Variants in GMEB2 observed in about 807,000 individuals in gnomAD.
The protein encoded by GMEB2 is glucocorticoid modulatory element-binding protein 2.
A neutral mutation model predicts 45.7 loss-of-function variants in GMEB2; 7 were observed. That is an observed-to-expected ratio of 0.15 (90% CI 0.09 to 0.29). GMEB2 has a LOEUF of 0.29. Ranked by LOEUF, GMEB2 falls within the 10% of genes least tolerant of loss-of-function variation. The pLI, the probability that GMEB2 is intolerant of heterozygous loss-of-function variation, is 1.00. For missense variants in GMEB2, 582 were observed against 739.2 expected (o/e 0.79, Z 2.47); for synonymous variants, 322 against 323.6 (o/e 1.00, Z 0.05).
In GMEB2 at chr20:63,590,529, C is replaced by A; in HGVS notation, c.1153G>T (p.Gly385Cys). 6.6e-7 allele frequency: 1 copy of A among 1,521,880 alleles called. No homozygotes were observed. The highest frequency in any genetic ancestry group is 1.3e-5 in the South Asian group (1 of 78,372). The allele number at this position is 1,521,880 out of a possible 1,614,324, so 94.3% of individuals were successfully genotyped here. The change falls in exon 10 of 10, where the codon GGC becomes TGC. Residue 385 changes from glycine to cysteine, a missense_variant. By Grantham distance (159) the Gly-to-Cys change is radical. This residue lies in a region of GMEB2 where 462 missense variants were observed against 586.7 expected (regional missense o/e 0.79). Coordinates refer to ENST00000370077, the MANE Select transcript of GMEB2 (RefSeq NM_012384.5). ...AGCTGGGGGACGGGCACGCCCGGGC[C>A]AAGCGCCAGCTGGGCAGACTGGGTG... Reference protein sequence around the residue: ...VLTQSAQLALGPGVPVPQLTS... With the variant: ...VLTQSAQLALCPGVPVPQLTS...
intron 1 of GMEB2, among the ~76,000 whole-genome samples, chr20:63,626,660 G>A (rs2089676090): frequency 6.6e-6 from 1 of 151,730 alleles, no homozygotes; most frequent in African/African-American, 2.4e-5. Flanking sequence ...CTGCGGCGTG[G>A]TCCCCCCGGG....
intron 2 of GMEB2, among the ~76,000 whole-genome samples, chr20:63,609,173 A>AC (rs1172867972): frequency 6.5e-5 from 1 of 15,426 alleles, no homozygotes. Flanking sequence ...TGTCCCTCTG[A>AC]CTCACCTCCA....
chr20:63,621,045 G>A (rs1449704571), intron 1 of GMEB2, among the ~76,000 whole-genome samples: 16 of 152,108 alleles, frequency 1.1e-4, no homozygotes, highest in Non-Finnish European at 7.4e-5. Context: ...AATTAAAAAC[G>A]ACAACCAAAA....
rs2083113321 is a variant in GMEB2, at chr20:63,588,425, A to G, written c.*1664T>C. 1 of 208,428 alleles carries G rather than the reference A, an allele frequency of 4.8e-6. No homozygotes were observed. The highest frequency in any genetic ancestry group is 9.5e-6 in the Non-Finnish European group (1 of 105,564). The allele number at this position is 208,428 out of a possible 1,614,324, so 12.9% of individuals were successfully genotyped here. ...GACCCCCGTAGGGTCATACCGCTGC[A>G]TGCTGCAGAACTCAACTAGAGTGGA... On this transcript the variant is annotated 3_prime_UTR_variant, in exon 10 of 10. Transcript: ENST00000370077.
At position 63,590,245 on chromosome 20, in the gene GMEB2, C is replaced by T. The variant is rs779894285; in HGVS notation, c.1437G>A (p.Thr479=). ...FKVVSPLQLL[T]LPGLGPTLQN... is the part of the protein sequence containing the mutation. ...GCAGGGTGGGGCCCAGGCCAGGCAA[C>T]GTGAGCAGCTGTAGCGGGCTGACCA... The change falls in exon 10 of 10, where the codon ACG becomes ACA. Residue 479 remains threonine, a synonymous_variant. Transcript: ENST00000370077. 112 of 1,612,130 alleles carry T rather than the reference C, an allele frequency of 6.9e-5. No homozygotes were observed. The highest frequency in any genetic ancestry group is 9.1e-5 in the Non-Finnish European group (107 of 1,179,740).
chr20:63,596,727 A>G (rs1048019238), intron 5 of GMEB2, among the ~76,000 whole-genome samples: 6 of 152,238 alleles, frequency 3.9e-5, no homozygotes, highest in Non-Finnish European at 5.9e-5. Flanking sequence ...TGATTCACAG[A>G]TAAGTGAAGG....
chr20:63,622,903 C>G (rs747637266), intron 1 of GMEB2, among the ~76,000 whole-genome samples: 2 of 152,200 alleles, frequency 1.3e-5, no homozygotes, highest in Non-Finnish European at 2.9e-5. Context: ...GCGTTACTGA[C>G]GCCAGCCTGG....
rs142070399 is a variant in GMEB2 at position 63,595,328 on chromosome 20, C to T, written c.619+282G>A. On this transcript the variant is annotated intron_variant, in intron 6 of 9. Coordinates refer to ENST00000370077, the MANE Select transcript of GMEB2 (RefSeq NM_012384.5). ...GGGCGCCCAGGCACTCTCTGTTACT[C>T]GCTATACCCTTCCCCACACGTGAGT... Among the ~76,000 whole-genome samples the T allele has an allele frequency of 4.1e-3, 629 of 152,268 alleles. 5 individuals carry two copies. Among genetic ancestry groups the T allele is most frequent in the Non-Finnish European group, 6.1e-3 (413 of 68,022 alleles).
chr20:63,595,121 C>T (rs1264035476), intron 6 of GMEB2, among the ~76,000 whole-genome samples: 8 of 152,226 alleles, frequency 5.3e-5, no homozygotes, highest in Admixed American at 3.3e-4. Flanking sequence ...GAGCTACAGA[C>T]ACCAACGTGG....
rs1261221615 is a variant in GMEB2 at position 63,619,680 on chromosome 20, G to C, written c.-57-226C>G. The C allele has an allele frequency of 1.5e-5, 4 of 267,254 alleles. No individual in the cohort carries two copies. The highest frequency in any genetic ancestry group is 2.2e-5 in the African/African-American group (1 of 44,638). 16.6% of individuals were successfully genotyped at this position (267,254 alleles called of 1,614,324 possible). A position where few individuals can be genotyped will look rare whatever the true frequency, so the allele number is the denominator to read the frequency against. On this transcript the variant is annotated intron_variant, in intron 1 of 9. Coordinates refer to ENST00000370077, the MANE Select transcript of GMEB2 (RefSeq NM_012384.5). The surrounding 1 kb of genome is among the most constrained non-coding windows in gnomAD (Gnocchi z 4.6). ...TCCCACTGGATAAGCCGAAACCCTT[G>C]GGTAGAAAGCACAGAGCCACTCCCT... is the stretch of plus-strand genomic sequence containing the variant.
Position 63,619,319 on chromosome 20 carries a change from C to G in GMEB2, c.79G>C (p.Gly27Arg), listed in dbSNP as rs771995243. The change falls in exon 2 of 10, where the codon GGT becomes CGT. Residue 27 changes from glycine (G) to arginine (R), a missense_variant. By Grantham distance (125) the Gly-to-Arg change is moderately radical. Coordinates refer to ENST00000370077, the MANE Select transcript of GMEB2 (RefSeq NM_012384.5). This position sits in a 1 kb window ranked among gnomAD's most constrained non-coding sequence, Gnocchi z 4.6. The part of the protein sequence containing the change: ...TTPDTAVDGS[G>R]VEGVKTVLVT... ...AACACGGTCTTCACCCCCTCCACAC[C>G]ACTGCCGTCCACTGCAGTGTCCGGA... 1.2e-5 allele frequency: 20 copies of G among 1,612,914 alleles called. No homozygotes were observed. Among genetic ancestry groups the G allele is most frequent in the Non-Finnish European group, 3.4e-6 (4 of 1,179,920 alleles).
At chr20:63,626,422 TGCCTGCGGGGTGGCCCCTGGG>T (rs2089673188) in intron 1 of GMEB2, among the ~76,000 whole-genome samples, 1 of 42,556 alleles carries the variant, frequency 2.3e-5, no homozygotes, top group Non-Finnish European at 6.8e-5. Flanking sequence ...GCGGGTCGGG[TGCCTGCGGGGTGGCCCCTGGG>T]GATCGCGTCC....
At chr20:63,626,559 C>CCA in intron 1 of GMEB2, among the ~76,000 whole-genome samples, 1 of 116,094 alleles carries the variant, frequency 8.6e-6, no homozygotes, top group East Asian at 2.7e-4. Context: ...CGCGTGGTGG[C>CCA]CCCTGCGGGT....
rs148884295 is a variant in GMEB2, at chr20:63,595,651, G to A, written c.578C>T (p.Thr193Met). 21 of 1,613,626 alleles carry A rather than the reference G, an allele frequency of 1.3e-5. No homozygotes were observed. The highest frequency in any genetic ancestry group is 6.7e-5 in the East Asian group (3 of 44,868). ...CGTGAGGGGAATGTACTCGGCCGACGTGGGGCTGCTCAGGGACACACGGGC... is the reference window on the plus strand; with the variant it reads ...CGTGAGGGGAATGTACTCGGCCGACATGGGGCTGCTCAGGGACACACGGGC... ...SGARVSLSSP[T>M]SAEYIPLTPA... is the part of the protein sequence containing the mutation. Residue 193 changes from threonine (T) to methionine (M), a missense_variant, in exon 6 of 10, where the codon ACG becomes ATG. Thr to Met is a moderately conservative substitution (Grantham distance 81). Transcript: ENST00000370077.
intron 2 of GMEB2, among the ~76,000 whole-genome samples, chr20:63,607,803 C>T (rs76790715): frequency 6.4e-5 from 1 of 15,622 alleles, no homozygotes; most frequent in Admixed American, 3.5e-4. Context: ...TAGAAACATG[C>T]CCCTCTGACC....
chr20:63,619,139 C>T lies in GMEB2; in HGVS notation c.131+128G>A, dbSNP rs1410781086. The stretch of plus-strand genomic sequence containing the variant: ...TCTCTACTTACACACACATTTGAGT[C>T]CAGTCTCAGAAGAACTGGAACTAGA... On this transcript the variant is annotated intron_variant, in intron 2 of 9. Transcript: ENST00000370077. This position sits in a 1 kb window ranked among gnomAD's most constrained non-coding sequence, Gnocchi z 4.6. 17 of 898,134 alleles carry T rather than the reference C, an allele frequency of 1.9e-5. No homozygotes were observed. The highest frequency in any genetic ancestry group is 2.7e-5 in the Non-Finnish European group (17 of 618,212). 55.6% of individuals were successfully genotyped at this position (898,134 alleles called of 1,614,324 possible).
intron 9 of GMEB2, 119 bp from the exon 10 acceptor site, chr20:63,590,848 T>C (rs1035595150): frequency 2.5e-5 from 14 of 565,290 alleles, no homozygotes; most frequent in African/African-American, 7.8e-5. Flanking sequence ...GCAACCCAGG[T>C]CTGCTCACCT....
At chr20:63,613,647 C>G (rs1376984433) in intron 2 of GMEB2, among the ~76,000 whole-genome samples, 2 of 151,490 alleles carry the variant, frequency 1.3e-5, no homozygotes, top group Non-Finnish European at 2.9e-5. Flanking sequence ...AGCCTCCCAA[C>G]TGGATTACAG....
In GMEB2 at chr20:63,590,736, G is replaced by A. The variant is rs940499896; in HGVS notation, c.953-7C>T. On this transcript the variant is annotated splice_polypyrimidine_tract_variant and splice_region_variant and intron_variant, in intron 9 of 9. Coordinates refer to ENST00000370077, the MANE Select transcript of GMEB2 (RefSeq NM_012384.5). ...TCACACTGCTGCTCCAGGGCTGCAG[G>A]GAGGTACAGATGGCATCACACAGGG... 12 of 1,488,370 alleles carry A rather than the reference G, an allele frequency of 8.1e-6. No individual in the cohort carries two copies. The Admixed American group carries it at 1.1e-4, about 14-fold the overall frequency. 92.2% of individuals were successfully genotyped at this position (1,488,370 alleles called of 1,614,324 possible).
Sources: allele counts gnomAD v4.1 joint callset (sites outside exome capture counted in the v4.1 genomes callset), GRCh38; gene constraint gnomAD v4.1.1; regional missense constraint gnomAD v4.1.1; non-coding constraint Gnocchi (gnomAD v3.1); transcripts MANE v1.5; gene names NCBI Gene and HGNC (gene_info 2026-07-23, HGNC 2026-07-21).